The following AFF4 variants were observed in gnomAD, a reference collection of about 807,000 sequenced individuals.
The protein encoded by AFF4 is AF4/FMR2 family member 4.
AFF4 carries 13 observed loss-of-function variants against 124.8 expected under a neutral mutation model. The ratio of observed to expected loss-of-function variants is 0.10; its 90% CI spans 0.07 to 0.17. The LOEUF is 0.17. AFF4 is among the 10% of genes least tolerant of loss of function. AFF4 has a pLI of 1.00. For missense variants in AFF4, 1,092 were observed against 1,403.8 expected, an observed-to-expected ratio of 0.78 and a Z score of 3.55; for synonymous variants, 477 against 496.1, an observed-to-expected ratio of 0.96 and a Z score of 0.51.
At chr5:132,884,618 TATAAAC>T (rs1415431914) in intron 19 of AFF4, among the ~76,000 whole-genome samples, 4 of 152,218 alleles carry the variant, frequency 2.6e-5, no homozygotes, top group African/African-American at 4.8e-5. Flanking sequence ...TGTCAATTCT[TATAAAC>T]ATAATAACTG....
At chr5:132,905,440 T>C (rs1275100945) in intron 5 of AFF4, among the ~76,000 whole-genome samples, 2 of 152,248 alleles carry the variant, frequency 1.3e-5, no homozygotes, top group African/African-American at 4.8e-5. Flanking sequence ...GTTACAGAAT[T>C]GTCTGTGAAA....
rs368376977 is a variant in AFF4, at chr5:132,891,619, GAATC to G, written c.2637+541_2637+544del. On this transcript the variant is annotated intron_variant, in intron 13 of 20. Transcript: ENST00000265343. ...CTAAAGATTTCTTTTTCTATTTCATGAATCAAAGTCAAATGATTGCTTTGTCACT... is the reference window on the plus strand; with the variant it reads ...CTAAAGATTTCTTTTTCTATTTCATGAAAGTCAAATGATTGCTTTGTCACT... Among the ~76,000 whole-genome samples, 787 of 152,220 alleles carry G rather than the reference GAATC, an allele frequency of 5.2e-3. 5 individuals are homozygous for G. Among genetic ancestry groups the G allele is most frequent in the African/African-American group, 0.015 (607 of 41,530 alleles).
intron 8 of AFF4, 34 bp from the exon 9 acceptor site, chr5:132,899,175 GAATA>G: frequency 6.3e-7 from 1 of 1,585,080 alleles, no homozygotes; most frequent in Non-Finnish European, 8.7e-7. Flanking sequence ...ATCTGTGAAT[GAATA>G]AACAGTATTC....
At chr5:132,918,069 T>C (rs1760956498) in intron 5 of AFF4, among the ~76,000 whole-genome samples, 1 of 151,886 alleles carries the variant, frequency 6.6e-6, no homozygotes, top group African/African-American at 2.4e-5. Flanking sequence ...ACTGAAATTT[T>C]TATAAAATTC....
chr5:132,951,088 G>A (rs1761833212), intron 1 of AFF4, among the ~76,000 whole-genome samples: 1 of 152,104 alleles, frequency 6.6e-6, no homozygotes, highest in Non-Finnish European at 1.5e-5. Flanking sequence ...AGCCAGGCGT[G>A]GTGGTGCAAA....
At chr5:132,932,329 A>C in intron 3 of AFF4, 107 bp from the exon 4 acceptor site, 1 of 828,012 alleles carries the variant, frequency 1.2e-6, no homozygotes, top group Non-Finnish European at 1.9e-6. Context: ...CACTACTCTA[A>C]ATCAGTACAC....
In AFF4 at chr5:132,879,647, A is replaced by G. The variant is rs980738083; in HGVS notation, c.*1412T>C. On this transcript the variant is annotated 3_prime_UTR_variant, in exon 21 of 21. Coordinates refer to ENST00000265343, the MANE Select transcript of AFF4 (RefSeq NM_014423.4). ...TTAAAGGTAAGATTTAAGGCACACC[A>G]AACATGATAGGGGCATGAAAAATAA... The G allele has an allele frequency of 1.9e-5, 4 of 209,676 alleles. No homozygotes were observed. The highest frequency in any genetic ancestry group is 3.0e-3 in the Middle Eastern group (2 of 662). 13.0% of individuals were successfully genotyped at this position (209,676 alleles called of 1,614,324 possible).
chr5:132,943,569 T>C (rs116109929), intron 1 of AFF4: 208 of 180,698 alleles, frequency 1.2e-3, no homozygotes, highest in African/African-American at 3.9e-3. Flanking sequence ...TGGAGACTGG[T>C]GTCAGCATAG....
At chr5:132,889,493 T>C (rs1760202233) in intron 13 of AFF4, among the ~76,000 whole-genome samples, 1 of 152,226 alleles carries the variant, frequency 6.6e-6, no homozygotes, top group Non-Finnish European at 1.5e-5. Context: ...GCAACATTTA[T>C]TGGTAGTTAC....
intron 5 of AFF4, among the ~76,000 whole-genome samples, chr5:132,909,870 G>A (rs928472303): frequency 2.0e-5 from 3 of 152,158 alleles, no homozygotes; most frequent in African/African-American, 7.2e-5. Context: ...TCAACAGGTG[G>A]AAGGGGAAGG....
At chr5:132,943,307 C>A in intron 1 of AFF4, 1 of 200,528 alleles carries the variant, frequency 5.0e-6, no homozygotes, top group Admixed American at 4.6e-5. Flanking sequence ...AAGTTGGCCA[C>A]AACCCCAACA....
chr5:132,899,010 A>T, intron 9 of AFF4, 94 bp downstream of exon 9: 1 of 1,111,244 alleles, frequency 9.0e-7, no homozygotes, highest in Non-Finnish European at 1.3e-6. Flanking sequence ...TATCAAAATT[A>T]ATATTTACTT....
At chr5:132,920,109 G>A (rs946960346) in intron 5 of AFF4, among the ~76,000 whole-genome samples, 5 of 151,904 alleles carry the variant, frequency 3.3e-5, no homozygotes, top group Admixed American at 2.6e-4. Flanking sequence ...GAGTGCACTG[G>A]CGCAATCTTG....
chr5:132,950,681 G>T (rs913345829), intron 1 of AFF4, among the ~76,000 whole-genome samples: 1 of 151,750 alleles, frequency 6.6e-6, no homozygotes, highest in Non-Finnish European at 1.5e-5. Context: ...AAAAAACAAT[G>T]GAAGAAAAAT....
intron 6 of AFF4, among the ~76,000 whole-genome samples, chr5:132,902,898 C>A (rs1030498259): frequency 6.6e-6 from 1 of 152,040 alleles, no homozygotes; most frequent in African/African-American, 2.4e-5. Flanking sequence ...AAATGTCCAT[C>A]GATAGGGGAC....
intron 4 of AFF4, among the ~76,000 whole-genome samples, chr5:132,929,001 C>A (rs1761242675): frequency 6.6e-6 from 1 of 152,138 alleles, no homozygotes; most frequent in South Asian, 2.1e-4. Context: ...CCACTGTATT[C>A]CCAGTGGTTG....
At chr5:132,958,176 T>C (rs1169311489) in intron 1 of AFF4, among the ~76,000 whole-genome samples, 1 of 152,116 alleles carries the variant, frequency 6.6e-6, no homozygotes, top group Non-Finnish European at 1.5e-5. Flanking sequence ...CTTCTTTTAC[T>C]AGTGTCTTCC....
At chr5:132,894,705 T>A (rs1439794161) in intron 11 of AFF4, among the ~76,000 whole-genome samples, 5 of 152,200 alleles carry the variant, frequency 3.3e-5, no homozygotes, top group Non-Finnish European at 1.5e-5. Flanking sequence ...CTGACACCTG[T>A]AATGCCAGTG....
intron 15 of AFF4, 30 bp downstream of exon 15, chr5:132,888,067 T>C: frequency 6.2e-7 from 1 of 1,606,586 alleles, no homozygotes; most frequent in Non-Finnish European, 8.5e-7. Flanking sequence ...TTTGATTAAA[T>C]ACGTAAGTGT....
Sources: allele counts gnomAD v4.1 joint callset (sites outside exome capture counted in the v4.1 genomes callset), GRCh38; gene constraint gnomAD v4.1.1; transcripts MANE v1.5; gene names NCBI Gene and HGNC (gene_info 2026-07-23, HGNC 2026-07-21).